REV1: variants seen among roughly 807,000 people sequenced by gnomAD.
REV1 encodes the protein REV1 DNA directed polymerase, also known as translesion synthesis protein REV1.
In REV1, 42 loss-of-function variants were observed where a neutral mutation model predicts 137.4. The ratio of observed to expected loss-of-function variants is 0.31; its 90% CI spans 0.24 to 0.40. The LOEUF is 0.40. REV1 is among the 10% of genes least tolerant of loss of function. The pLI is 1.00. For missense variants in REV1, 1,282 were observed against 1,490.1 expected (o/e 0.86, Z 2.30); for synonymous variants, 524 against 519.2 (o/e 1.01, Z -0.12).
intron 15 of REV1, chr2:99,407,067 A>G (rs1676403571): frequency 8.7e-6 from 1 of 114,530 alleles, no homozygotes; most frequent in Non-Finnish European, 1.9e-5. Context: ...ATAAAACTAA[A>G]CCTACAAAGG....
chr2:99,417,537 C>G (rs1213437671), intron 12 of REV1, among the ~76,000 whole-genome samples: 1 of 152,162 alleles, frequency 6.6e-6, no homozygotes, highest in Non-Finnish European at 1.5e-5. Flanking sequence ...GACTGGTATC[C>G]TCACAAGAAG....
intron 1 of REV1, among the ~76,000 whole-genome samples, chr2:99,481,377 T>A (rs1169701306): frequency 6.6e-6 from 1 of 152,170 alleles, no homozygotes; most frequent in East Asian, 1.9e-4. Flanking sequence ...AGTTTTAAAT[T>A]ATATTGTATC....
rs1680455635 is a variant in REV1, at chr2:99,434,241, T to C, written c.1438+91A>G. On this transcript the variant is annotated intron_variant, in intron 8 of 22. Transcript: ENST00000258428. ...ATGAAAAAGCTAATTGCTACAACTC[T>C]GCACTCATTTCTATTAACAACCATG... 5 of 726,156 alleles carry C rather than the reference T, an allele frequency of 6.9e-6. No individual in the cohort carries two copies. In the East Asian group the frequency reaches 1.4e-4, roughly 20 times the overall value. The allele number at this position is 726,156 out of a possible 1,614,324, so 45.0% of individuals were successfully genotyped here. A position where few individuals can be genotyped will look rare whatever the true frequency, so the allele number is the denominator to read the frequency against.
rs201539173 is a variant in REV1 at position 99,414,456 on chromosome 2, TA to T, written c.1952-1506del. On this transcript the variant is annotated intron_variant, in intron 12 of 22. Coordinates refer to ENST00000258428, the MANE Select transcript of REV1 (RefSeq NM_016316.4). Reference sequence around the variant, plus strand: ...TACCAAAGACCCCGAGTTAACAATTTAAAAAAAAAAAAAAATTCCTCCAGAG... The same window carrying T: ...TACCAAAGACCCCGAGTTAACAATTTAAAAAAAAAAAAAATTCCTCCAGAG... Among the ~76,000 whole-genome samples the T allele has an allele frequency of 7.8e-3, 1,077 of 137,964 alleles. 4 individuals carry two copies. The highest frequency in any genetic ancestry group is 0.012 in the African/African-American group (465 of 37,624). 90.5% of individuals were successfully genotyped at this position (137,964 alleles called of 152,430 possible). A position where few individuals can be genotyped will look rare whatever the true frequency, so the allele number is the denominator to read the frequency against.
At chr2:99,451,574 T>C (rs1682926367) in intron 3 of REV1, 4 of 966,912 alleles carry the variant, frequency 4.1e-6, no homozygotes, top group Non-Finnish European at 1.5e-6. Flanking sequence ...TTCACACTCC[T>C]GAGTTGTGTG....
intron 2 of REV1, chr2:99,462,863 G>A (rs765664269): frequency 8.0e-5 from 27 of 336,972 alleles, no homozygotes; most frequent in Middle Eastern, 1.8e-3. Flanking sequence ...TGAGGCAGGC[G>A]GATCACCTGA....
chr2:99,423,824 G>A (rs1370117384), intron 10 of REV1, among the ~76,000 whole-genome samples: 1 of 152,100 alleles, frequency 6.6e-6, no homozygotes, highest in Non-Finnish European at 1.5e-5. Context: ...AGAAAAACCA[G>A]GTTAAAAAAT....
At chr2:99,470,175 GGTTCTAAACA>G (rs1157259929) in intron 1 of REV1, among the ~76,000 whole-genome samples, 2 of 151,682 alleles carry the variant, frequency 1.3e-5, no homozygotes, top group South Asian at 2.1e-4. Flanking sequence ...AGCATTACAA[GGTTCTAAACA>G]GTTCATCACA....
chr2:99,434,505 T>C lies in REV1; in HGVS notation c.1322-57A>G, dbSNP rs1195639368. ...GTGGTACAGGAATGTTAACAACATGTAAGCAAAAATTTTTCAAAGGATTTT... is the reference window on the plus strand; with the variant it reads ...GTGGTACAGGAATGTTAACAACATGCAAGCAAAAATTTTTCAAAGGATTTT... On this transcript the variant is annotated intron_variant, in intron 7 of 22. Coordinates refer to ENST00000258428, the MANE Select transcript of REV1 (RefSeq NM_016316.4). 3.5e-6 allele frequency: 4 copies of C among 1,156,594 alleles called. No homozygotes were observed. The African/African-American group carries it at 4.8e-5, about 14-fold the overall frequency. 71.6% of individuals were successfully genotyped at this position (1,156,594 alleles called of 1,614,324 possible).
chr2:99,413,653 C>T (rs887274722), intron 12 of REV1, among the ~76,000 whole-genome samples: 2 of 152,090 alleles, frequency 1.3e-5, no homozygotes, highest in South Asian at 4.1e-4. Context: ...ACGTTTGAGC[C>T]CCACCTAAAG....
chr2:99,454,760 T>G (rs1288905145), intron 3 of REV1, among the ~76,000 whole-genome samples: 1 of 151,822 alleles, frequency 6.6e-6, no homozygotes, highest in Non-Finnish European at 1.5e-5. Flanking sequence ...TAAATAAAAT[T>G]CCACAATACT....
intron 8 of REV1, among the ~76,000 whole-genome samples, chr2:99,433,515 T>C (rs1680374476): frequency 6.6e-6 from 1 of 152,206 alleles, no homozygotes; most frequent in African/African-American, 2.4e-5. Context: ...TTTGCCTTAA[T>C]TTCATTGGAG....
chr2:99,404,740 G>C, intron 17 of REV1, 63 bp from the exon 18 acceptor site: 1 of 1,058,858 alleles, frequency 9.4e-7, no homozygotes, highest in South Asian at 1.3e-5. Context: ...GTGTTTGGGA[G>C]TTAACACGCC....
At chr2:99,431,626 G>GA in intron 8 of REV1, 1 of 665,882 alleles carries the variant, frequency 1.5e-6, no homozygotes, top group Non-Finnish European at 1.9e-6. Context: ...ATATTGTCTT[G>GA]AAAATAACAG....
chr2:99,474,908 GAA>G lies in REV1; in HGVS notation c.-10-9925_-10-9924del, dbSNP rs202202463. On this transcript the variant is annotated intron_variant, in intron 1 of 22. Coordinates refer to ENST00000258428, the MANE Select transcript of REV1 (RefSeq NM_016316.4). ...CAGAGTGAGACTCCGTTTCAAAAAA[GAA>G]AAAAAAAAAAGAAGTAGAGATTCAA... is the stretch of plus-strand genomic sequence containing the variant. 3.5e-3 allele frequency among the ~76,000 whole-genome samples: 475 copies of G among 136,926 alleles called. 2 individuals carry two copies. The highest frequency in any genetic ancestry group is 0.01 in the Admixed American group (141 of 13,872). 89.8% of individuals were successfully genotyped at this position (136,926 alleles called of 152,430 possible). A position where few individuals can be genotyped will look rare whatever the true frequency, so the allele number is the denominator to read the frequency against.
intron 4 of REV1, among the ~76,000 whole-genome samples, chr2:99,448,082 G>A (rs1045282885): frequency 6.6e-6 from 1 of 152,172 alleles, no homozygotes; most frequent in African/African-American, 2.4e-5. Flanking sequence ...TGTCTCCAGA[G>A]CCCAGGCCCA....
Position 99,473,915 on chromosome 2 carries a change from T to C in REV1, c.-10-8930A>G, listed in dbSNP as rs188154122. 2.0e-3 allele frequency among the ~76,000 whole-genome samples: 310 copies of C among 152,364 alleles called. 2 individuals carry two copies. Among genetic ancestry groups the C allele is most frequent in the African/African-American group, 7.3e-3 (302 of 41,592 alleles). On this transcript the variant is annotated intron_variant, in intron 1 of 22. Transcript: ENST00000258428. ...TGACTTGTGTTTATACACTGCTTTG[T>C]AATGCTAAGTACAGTATGCAATCCT... is the stretch of plus-strand genomic sequence containing the variant.
At chr2:99,431,209 C>T (rs760704298) in intron 8 of REV1, among the ~76,000 whole-genome samples, 2 of 152,174 alleles carry the variant, frequency 1.3e-5, no homozygotes, top group African/African-American at 4.8e-5. Flanking sequence ...ACCATATATA[C>T]ACAGCATAAA....
intron 8 of REV1, among the ~76,000 whole-genome samples, chr2:99,432,420 T>C (rs1680235441): frequency 6.6e-6 from 1 of 151,900 alleles, no homozygotes; most frequent in Non-Finnish European, 1.5e-5. Flanking sequence ...TGTCTGATAA[T>C]GACCCAGAGA....
Sources: allele counts gnomAD v4.1 joint callset (sites outside exome capture counted in the v4.1 genomes callset), GRCh38; gene constraint gnomAD v4.1.1; transcripts MANE v1.5; gene names NCBI Gene and HGNC (gene_info 2026-07-23, HGNC 2026-07-21).